Variants in CDH13 observed in about 807,000 individuals in gnomAD.
CDH13 encodes the protein cadherin-13.
CDH13 carries 24 observed loss-of-function variants against 63.8 expected under a neutral mutation model. The ratio of observed to expected loss-of-function variants is 0.38; its 90% CI spans 0.27 to 0.53. The LOEUF (loss-of-function observed/expected upper bound fraction) is 0.53, where lower values mean the gene tolerates loss of function less well. Ranked by LOEUF, CDH13 falls within the 20% of genes least tolerant of loss-of-function variation. CDH13 has a pLI of 0.85. For synonymous variants in CDH13, 503 were observed against 355.3 expected (o/e 1.42, Z -4.67); for missense variants, 1,049 against 903.1 (o/e 1.16, Z -2.07).
chr16:83,679,243 C>G lies in CDH13; in HGVS notation c.1538+782C>G, dbSNP rs552033796. On this transcript the variant is annotated intron_variant, in intron 10 of 13. Coordinates refer to ENST00000567109, the MANE Select transcript of CDH13 (RefSeq NM_001257.5). ...TCTAATGCTCACAAATAAAAGATGC[C>G]CTCGTTGGTACATGGTTTCACAATA... 2.0e-5 allele frequency among the ~76,000 whole-genome samples: 3 copies of G among 152,218 alleles called. No homozygotes were observed. In the South Asian group the frequency reaches 6.2e-4, roughly 32 times the overall value.
At chr16:83,563,473 A>C (rs1478465368) in intron 7 of CDH13, among the ~76,000 whole-genome samples, 2 of 152,228 alleles carry the variant, frequency 1.3e-5, no homozygotes, top group African/African-American at 4.8e-5. Flanking sequence ...CAAATGCATT[A>C]ATTTGGTTTG....
At chr16:83,234,034 C>G (rs892807162) in intron 5 of CDH13, among the ~76,000 whole-genome samples, 1 of 152,190 alleles carries the variant, frequency 6.6e-6, no homozygotes, top group African/African-American at 2.4e-5. Context: ...GTGGCCAGCA[C>G]AGTGTCCAAG....
intron 2 of CDH13, among the ~76,000 whole-genome samples, chr16:82,890,890 G>A (rs974542764): frequency 6.6e-6 from 1 of 152,048 alleles, no homozygotes; most frequent in Non-Finnish European, 1.5e-5. Context: ...GACCTCCAGT[G>A]ATCTGCCCAC....
At chr16:83,305,891 A>G (rs370139223) in intron 5 of CDH13, among the ~76,000 whole-genome samples, 1 of 152,204 alleles carries the variant, frequency 6.6e-6, no homozygotes, top group African/African-American at 2.4e-5. Context: ...CTAATCTACA[A>G]CATAGGAATA....
intron 8 of CDH13, among the ~76,000 whole-genome samples, chr16:83,651,916 C>G (rs968106177): frequency 6.6e-6 from 1 of 152,260 alleles, no homozygotes; most frequent in Admixed American, 6.5e-5. Flanking sequence ...TTTAATGTGA[C>G]AGAGTGCCAC....
intron 2 of CDH13, among the ~76,000 whole-genome samples, chr16:83,031,149 T>C (rs927229291): frequency 7.1e-5 from 10 of 141,766 alleles, no homozygotes; most frequent in Non-Finnish European, 4.6e-5. Flanking sequence ...ACCATATGTG[T>C]GTATATGGTG....
At chr16:83,755,750 CA>C (rs11440971) in intron 11 of CDH13, among the ~76,000 whole-genome samples, 44,484 of 128,120 alleles carry the variant, frequency 0.35, 6,637 homozygotes, top group Non-Finnish European at 0.4. Flanking sequence ...ACTTTTGGGG[CA>C]AAAAAAAAAA....
intron 3 of CDH13, among the ~76,000 whole-genome samples, chr16:83,059,793 G>GTTTTTTTTTTTT (rs66521965): frequency 8.8e-6 from 1 of 113,106 alleles, no homozygotes; most frequent in Non-Finnish European, 1.8e-5. Flanking sequence ...TTTTTTGTTT[G>GTTTTTTTTTTTT]TTTTTTTTTT....
At chr16:83,724,956 G>A (rs1330069816) in intron 10 of CDH13, among the ~76,000 whole-genome samples, 2 of 152,146 alleles carry the variant, frequency 1.3e-5, no homozygotes, top group East Asian at 1.9e-4. Flanking sequence ...GCCAATCAAT[G>A]CAAATTAAGC....
At chr16:82,936,875 T>A (rs2042685127) in intron 2 of CDH13, among the ~76,000 whole-genome samples, 1 of 152,148 alleles carries the variant, frequency 6.6e-6, no homozygotes, top group African/African-American at 2.4e-5. Context: ...TAGATCTTCA[T>A]GGACTCCTCC....
At chr16:83,439,142 C>T (rs887720093) in intron 6 of CDH13, among the ~76,000 whole-genome samples, 5 of 152,162 alleles carry the variant, frequency 3.3e-5, no homozygotes, top group Admixed American at 6.5e-5. Flanking sequence ...ATTTCTTCAA[C>T]TTTAAAATCA....
At chr16:83,046,973 G>A (rs908766004) in intron 3 of CDH13, among the ~76,000 whole-genome samples, 11 of 152,146 alleles carry the variant, frequency 7.2e-5, no homozygotes, top group South Asian at 2.1e-4. Context: ...AGCTGTTTAT[G>A]GAAATCAGAT....
intron 2 of CDH13, among the ~76,000 whole-genome samples, chr16:82,869,344 G>T (rs1307192522): frequency 6.6e-6 from 1 of 150,924 alleles, no homozygotes; most frequent in Non-Finnish European, 1.5e-5. Context: ...CGCTCAGCGG[G>T]AATTTTTTTT....
At chr16:83,725,247 A>C (rs945072313) in intron 10 of CDH13, among the ~76,000 whole-genome samples, 1 of 152,348 alleles carries the variant, frequency 6.6e-6, no homozygotes, top group Middle Eastern at 3.4e-3. Flanking sequence ...AAACAAAGGC[A>C]TGGTGGCCAA....
At chr16:83,233,265 C>T (rs1439809787) in intron 5 of CDH13, among the ~76,000 whole-genome samples, 1 of 152,202 alleles carries the variant, frequency 6.6e-6, no homozygotes, top group Admixed American at 6.5e-5. Context: ...TGCCCACAGG[C>T]TATGCGTGAA....
chr16:82,855,052 T>C (rs2039632842), intron 1 of CDH13, among the ~76,000 whole-genome samples: 2 of 152,228 alleles, frequency 1.3e-5, no homozygotes, highest in Non-Finnish European at 2.9e-5. Context: ...GGGTACTGTG[T>C]ACCTTTATGT....
At chr16:82,658,719 G>A (rs1266639673) in intron 1 of CDH13, among the ~76,000 whole-genome samples, 1 of 152,168 alleles carries the variant, frequency 6.6e-6, no homozygotes, top group African/African-American at 2.4e-5. Flanking sequence ...CTGCCATGAT[G>A]GTTTGCCGTG....
intron 13 of CDH13, among the ~76,000 whole-genome samples, chr16:83,784,662 C>T (rs992335140): frequency 6.6e-6 from 1 of 151,466 alleles, no homozygotes; most frequent in African/African-American, 2.4e-5. Flanking sequence ...AACAAGAAGC[C>T]ATTATAGCAT....
At chr16:82,797,890 C>T (rs1042584112) in intron 1 of CDH13, among the ~76,000 whole-genome samples, 8 of 152,066 alleles carry the variant, frequency 5.3e-5, no homozygotes, top group South Asian at 2.1e-4. Flanking sequence ...AAAGACACCA[C>T]AGCCTTCTCA....
Sources: gnomAD v4.1 joint callset for allele counts (sites outside exome capture counted in the v4.1 genomes callset) on GRCh38, gnomAD v4.1.1 for gene constraint, MANE v1.5 for transcripts, NCBI Gene and HGNC (gene_info 2026-07-23, HGNC 2026-07-21) for gene names.